Variants in LRP1B observed in about 807,000 individuals in gnomAD.
LRP1B encodes the protein LDL receptor related protein 1B.
In LRP1B, 217 loss-of-function variants were observed where a neutral mutation model predicts 556.6. That is an observed-to-expected ratio of 0.39 (90% confidence interval 0.35 to 0.44). The LOEUF (loss-of-function observed/expected upper bound fraction) is 0.44. Among genes scored for constraint, LRP1B ranks in the 20% least tolerant of loss-of-function variants. The pLI is 1.00. For synonymous variants in LRP1B, 2,047 were observed against 1,865.8 expected (o/e 1.10, Z -2.50); for missense variants, 5,053 against 5,620.8 (o/e 0.90, Z 3.23).
At chr2:140,405,571 C>T (rs950205969) in intron 66 of LRP1B, among the ~76,000 whole-genome samples, 27 of 152,088 alleles carry the variant, frequency 1.8e-4, no homozygotes, top group African/African-American at 2.4e-4. Flanking sequence ...ATTATGAATA[C>T]ATTTATGCAT....
intron 1 of LRP1B, among the ~76,000 whole-genome samples, chr2:141,885,589 G>A (rs1699086577): frequency 6.6e-6 from 1 of 152,196 alleles, no homozygotes; most frequent in Non-Finnish European, 1.5e-5. Flanking sequence ...GCCAGTAAAT[G>A]AGAGTGTCTA....
intron 2 of LRP1B, among the ~76,000 whole-genome samples, chr2:141,483,174 C>T (rs1291971374): frequency 1.7e-4 from 25 of 144,960 alleles, no homozygotes; most frequent in Admixed American, 2.8e-4. Context: ...CATGTGTTCT[C>T]ATTGTTCAAT....
intron 3 of LRP1B, among the ~76,000 whole-genome samples, chr2:141,330,117 C>A (rs1371863734): frequency 1.3e-5 from 2 of 152,130 alleles, no homozygotes; most frequent in Non-Finnish European, 2.9e-5. Context: ...ACTAAAACAT[C>A]CATAAATATT....
At chr2:141,659,943 G>A (rs1391173191) in intron 2 of LRP1B, among the ~76,000 whole-genome samples, 1 of 152,066 alleles carries the variant, frequency 6.6e-6, no homozygotes, top group African/African-American at 2.4e-5. Context: ...ATATTTAAGG[G>A]GTAAAGGCAT....
chr2:141,568,162 T>G (rs945000836), intron 2 of LRP1B, among the ~76,000 whole-genome samples: 2 of 151,166 alleles, frequency 1.3e-5, no homozygotes, highest in African/African-American at 4.8e-5. Context: ...GGAAAGAAGC[T>G]TGGACATAAG....
chr2:140,463,012 CAAA>C (rs1033847947), intron 60 of LRP1B, among the ~76,000 whole-genome samples: 6 of 151,606 alleles, frequency 4.0e-5, no homozygotes, highest in African/African-American at 1.5e-4. Flanking sequence ...GTGTGAAAAA[CAAA>C]AAAGAAGTGA....
intron 9 of LRP1B, among the ~76,000 whole-genome samples, chr2:141,057,332 T>C (rs1699204337): frequency 6.6e-6 from 1 of 151,920 alleles, no homozygotes; most frequent in Non-Finnish European, 1.5e-5. Context: ...TTTTCCTTGT[T>C]CGTTCTGCTT....
At chr2:141,044,169 A>G (rs1574014096) in intron 11 of LRP1B, among the ~76,000 whole-genome samples, 1 of 151,878 alleles carries the variant, frequency 6.6e-6, no homozygotes, top group Non-Finnish European at 1.5e-5. Flanking sequence ...AGCAATGGGG[A>G]AAGGATTCCC....
At chr2:140,533,179 C>G (rs931019653) in intron 47 of LRP1B, among the ~76,000 whole-genome samples, 4 of 151,770 alleles carry the variant, frequency 2.6e-5, no homozygotes, top group African/African-American at 9.7e-5. Context: ...ATTTATTCAG[C>G]AAACATTGGT....
At chr2:140,745,698 C>A (rs1309567690) in intron 35 of LRP1B, among the ~76,000 whole-genome samples, 11 of 152,124 alleles carry the variant, frequency 7.2e-5, no homozygotes, top group Non-Finnish European at 1.3e-4. Context: ...TGCCCCACTG[C>A]CTGATCTTTC....
At chr2:141,401,870 A>G (rs140097196) in intron 3 of LRP1B, among the ~76,000 whole-genome samples, 1 of 152,254 alleles carries the variant, frequency 6.6e-6, no homozygotes, top group East Asian at 1.9e-4. Context: ...AAAATTTCCT[A>G]TTCTAGATCC....
At chr2:141,026,941 T>G (rs965585162) in intron 11 of LRP1B, among the ~76,000 whole-genome samples, 7 of 152,128 alleles carry the variant, frequency 4.6e-5, no homozygotes, top group Non-Finnish European at 1.0e-4. Flanking sequence ...GGACCTATGA[T>G]TAGTTAGTAG....
intron 2 of LRP1B, among the ~76,000 whole-genome samples, chr2:141,785,084 TTC>T (rs2105648196): frequency 6.6e-6 from 1 of 152,068 alleles, no homozygotes; most frequent in African/African-American, 2.4e-5. Flanking sequence ...AAAAAAACCT[TTC>T]TCAGCACCTT....
chr2:141,547,597 C>T (rs1289376247), intron 2 of LRP1B, among the ~76,000 whole-genome samples: 2 of 152,110 alleles, frequency 1.3e-5, no homozygotes, highest in African/African-American at 4.8e-5. Flanking sequence ...TCACTCCAAT[C>T]ATCAAAAACT....
At chr2:142,008,429 C>A (rs1472488938) in intron 1 of LRP1B, among the ~76,000 whole-genome samples, 1 of 152,086 alleles carries the variant, frequency 6.6e-6, no homozygotes, top group African/African-American at 2.4e-5. Flanking sequence ...TGCAGCCTTA[C>A]ACGGGATCCT....
At chr2:141,723,459 G>A (rs1382328014) in intron 2 of LRP1B, among the ~76,000 whole-genome samples, 1 of 151,356 alleles carries the variant, frequency 6.6e-6, no homozygotes, top group Non-Finnish European at 1.5e-5. Flanking sequence ...GTTCATTAGG[G>A]TATAGCTATA....
At position 141,880,541 on chromosome 2, in the gene LRP1B, AG is replaced by A. The variant is rs371452757; in HGVS notation, c.83-70141del. ...AAACATCTTCAATTTTAATAAAAAA[AG>A]GAAATAAAAATTAGACAATAGTGAA... On this transcript the variant is annotated intron_variant, in intron 1 of 90. Transcript: ENST00000389484. Among the ~76,000 whole-genome samples, 824 of 152,178 alleles carry A rather than the reference AG, an allele frequency of 5.4e-3. 10 individuals are homozygous for A. Among genetic ancestry groups the A allele is most frequent in the South Asian group, 0.052 (249 of 4,832 alleles).
intron 2 of LRP1B, among the ~76,000 whole-genome samples, chr2:141,740,373 T>C (rs1295892396): frequency 2.0e-5 from 3 of 152,178 alleles, no homozygotes; most frequent in African/African-American, 4.8e-5. Flanking sequence ...ATAGAAAATA[T>C]GCTAATCAAA....
In LRP1B at chr2:141,789,162, T is replaced by C. The variant is rs372828889; in HGVS notation, c.205+21117A>G. Among the ~76,000 whole-genome samples, 108 of 152,160 alleles carry C rather than the reference T, an allele frequency of 7.1e-4. 3 individuals carry two copies. In the South Asian group the frequency reaches 0.022, roughly 31 times the overall value. ...TACAGTCCCACCAACAGTGTATTAT[T>C]CTTTAGAAAAATTTAATATACGGCT... On this transcript the variant is annotated intron_variant, in intron 2 of 90. Transcript: ENST00000389484.
Sources: allele counts gnomAD v4.1 joint callset (sites outside exome capture counted in the v4.1 genomes callset), GRCh38; gene constraint gnomAD v4.1.1; transcripts MANE v1.5; gene names NCBI Gene and HGNC (gene_info 2026-07-23, HGNC 2026-07-21).